CCDC85A: variants seen among roughly 807,000 people sequenced by gnomAD.
CCDC85A encodes coiled-coil domain containing 85A, also known as coiled-coil domain-containing protein 85A.
Under a neutral mutation model 50.2 loss-of-function variants are expected in CCDC85A, and 38 were observed. That is an observed-to-expected ratio of 0.76 (90% confidence interval 0.58 to 0.99). The LOEUF (loss-of-function observed/expected upper bound fraction) is 0.99, where lower values mean the gene tolerates loss of function less well. Ranked by LOEUF, CCDC85A falls within the 50% of genes least tolerant of loss-of-function variation. CCDC85A has a pLI of 0.00. For missense variants in CCDC85A, 820 were observed against 742.0 expected (o/e 1.11, Z -1.22); for synonymous variants, 366 against 301.4 (o/e 1.21, Z -2.22).
At chr2:56,295,188 C>T (rs1671891125) in intron 2 of CCDC85A, among the ~76,000 whole-genome samples, 1 of 152,054 alleles carries the variant, frequency 6.6e-6, no homozygotes, top group African/African-American at 2.4e-5. Context: ...TCCCCACTTC[C>T]CAATAAATCT....
chr2:56,266,578 GC>G (rs58439265), intron 2 of CCDC85A, among the ~76,000 whole-genome samples: 9,555 of 60,328 alleles, frequency 0.16, 1,241 homozygotes, highest in South Asian at 0.22. Flanking sequence ...ACAATAACGC[GC>G]CCCCCCCCCC....
chr2:56,301,330 G>T (rs555148821), intron 2 of CCDC85A, among the ~76,000 whole-genome samples: 2 of 152,234 alleles, frequency 1.3e-5, no homozygotes, highest in South Asian at 2.1e-4. Flanking sequence ...AGATGGATTT[G>T]TGGTAAGGCA....
In CCDC85A at chr2:56,184,900, G is replaced by A; in HGVS notation, c.276G>A (p.Lys92=). The change falls in exon 1 of 6, where the codon AAG becomes AAA. Residue 92 remains lysine (K), a splice_region_variant and synonymous_variant. Transcript: ENST00000407595. ...ACCTCGGCGAGATCCGCGGCCTCAA[G>A]GTGAGCGCGGGCCAGGTGGGGAGGC... ...QLHLGEIRGL[K]DINQKLQEDN... is the part of the protein sequence containing the mutation. 1.3e-6 allele frequency: 2 copies of A among 1,507,632 alleles called. No homozygotes were observed. The highest frequency in any genetic ancestry group is 1.8e-6 in the Non-Finnish European group (2 of 1,132,556). 93.4% of individuals were successfully genotyped at this position (1,507,632 alleles called of 1,614,324 possible).
At chr2:56,371,647 G>A (rs963609502) in intron 3 of CCDC85A, among the ~76,000 whole-genome samples, 16 of 152,150 alleles carry the variant, frequency 1.1e-4, no homozygotes, top group African/African-American at 3.9e-4. Flanking sequence ...GGATTATACA[G>A]TTTGGTGATG....
At chr2:56,287,578 A>C (rs1430487130) in intron 2 of CCDC85A, among the ~76,000 whole-genome samples, 1 of 152,176 alleles carries the variant, frequency 6.6e-6, no homozygotes, top group Non-Finnish European at 1.5e-5. Context: ...TCTGAAGTTG[A>C]AGTCACATTC....
At chr2:56,265,659 G>T (rs1452331011) in intron 2 of CCDC85A, among the ~76,000 whole-genome samples, 1 of 152,140 alleles carries the variant, frequency 6.6e-6, no homozygotes, top group Non-Finnish European at 1.5e-5. Context: ...TGTTGGTGAG[G>T]ATGTGGAGAA....
chr2:56,358,345 C>A (rs530002829), intron 3 of CCDC85A, among the ~76,000 whole-genome samples: 1 of 152,280 alleles, frequency 6.6e-6, no homozygotes, highest in Admixed American at 6.5e-5. Flanking sequence ...AATTTCAAGC[C>A]TCCAATAAAC....
At chr2:56,380,720 C>G (rs1676547309) in intron 5 of CCDC85A, among the ~76,000 whole-genome samples, 1 of 152,048 alleles carries the variant, frequency 6.6e-6, no homozygotes, top group Admixed American at 6.6e-5. Flanking sequence ...CTATTAATCC[C>G]TGACTAAATT....
At chr2:56,310,300 C>T (rs1252783878) in intron 2 of CCDC85A, among the ~76,000 whole-genome samples, 1 of 152,120 alleles carries the variant, frequency 6.6e-6, no homozygotes, top group Non-Finnish European at 1.5e-5. Context: ...TAATACAGGA[C>T]ACAGTTTTTG....
chr2:56,320,649 T>C (rs2104258199), intron 2 of CCDC85A, among the ~76,000 whole-genome samples: 1 of 152,188 alleles, frequency 6.6e-6, no homozygotes, highest in South Asian at 2.1e-4. Flanking sequence ...CAATAATTAA[T>C]AGCCTACCAA....
chr2:56,336,483 G>A (rs1042894588), intron 2 of CCDC85A, among the ~76,000 whole-genome samples: 5 of 152,132 alleles, frequency 3.3e-5, no homozygotes, highest in African/African-American at 1.2e-4. Flanking sequence ...AAATGCTGTA[G>A]TTTGTGTCAG....
chr2:56,359,890 G>C (rs976246455), intron 3 of CCDC85A, among the ~76,000 whole-genome samples: 3 of 152,194 alleles, frequency 2.0e-5, no homozygotes. Context: ...TGCAGCATCT[G>C]TTCATTGGGA....
chr2:56,295,272 T>C (rs1671895116), intron 2 of CCDC85A, among the ~76,000 whole-genome samples: 1 of 152,192 alleles, frequency 6.6e-6, no homozygotes, highest in African/African-American at 2.4e-5. Context: ...TACTTTTTGC[T>C]CACAGTTTTT....
chr2:56,375,819 T>A lies in CCDC85A; in HGVS notation c.1456T>A (p.Ser486Thr), dbSNP rs1024145757. Residue 486 changes from serine (S) to threonine (T), a missense_variant, in exon 5 of 6, where the codon TCT (serine) becomes ACT (threonine). Physicochemically the swap from Ser to Thr is moderately conservative, Grantham distance 58. Transcript: ENST00000407595. ...AAGTTGTTGATTTTCTACTAAGGGT[T>A]CTTTTAGGTTGTCATCAGGGGCTGA... ...IGRCLPTLPG[S>T]FRLSSGADGS... 1.9e-6 allele frequency: 3 copies of A among 1,613,342 alleles called. No homozygotes were observed. In the African/African-American group the frequency reaches 4.0e-5, roughly 22 times the overall value.
chr2:56,296,259 T>C (rs1306563088), intron 2 of CCDC85A, among the ~76,000 whole-genome samples: 2 of 152,154 alleles, frequency 1.3e-5, no homozygotes, highest in Non-Finnish European at 2.9e-5. Context: ...GTGGTAAAGG[T>C]GTATCCCAAA....
chr2:56,358,245 C>T (rs1256777336), intron 3 of CCDC85A, among the ~76,000 whole-genome samples: 49 of 152,224 alleles, frequency 3.2e-4, no homozygotes, highest in Non-Finnish European at 1.5e-5. Flanking sequence ...AGTTTCTAGT[C>T]CATCTGTTTT....
chr2:56,276,138 A>G (rs538858782), intron 2 of CCDC85A, among the ~76,000 whole-genome samples: 19 of 152,300 alleles, frequency 1.2e-4, no homozygotes, highest in Non-Finnish European at 2.6e-4. Flanking sequence ...TATTCCTATT[A>G]GGTAAATTTA....
At chr2:56,262,320 G>A (rs4672103) in intron 2 of CCDC85A, among the ~76,000 whole-genome samples, 29,126 of 152,068 alleles carry the variant, frequency 0.19, 3,189 homozygotes, top group Admixed American at 0.28. Flanking sequence ...TGCATCAGAT[G>A]TTCTGGGAAT....
rs1322082656 is a variant in CCDC85A, at chr2:56,342,924, A to G, written c.1286A>G (p.Gln429Arg). ...YVRQLEARVR[Q>R]LEEENRMLPQ... Reference sequence around the variant, plus strand: ...AGGCAGCTGGAGGCAAGAGTAAGACAGCTGGAGGAAGAAAATCGCATGCTG... The same window carrying G: ...AGGCAGCTGGAGGCAAGAGTAAGACGGCTGGAGGAAGAAAATCGCATGCTG... Residue 429 changes from glutamine (Q) to arginine (R), a missense_variant, in exon 3 of 6, where the codon CAG becomes CGG. Gln to Arg is a conservative substitution (Grantham distance 43). Coordinates refer to ENST00000407595, the MANE Select transcript of CCDC85A (RefSeq NM_001080433.2). 1.9e-6 allele frequency: 3 copies of G among 1,598,080 alleles called. No individual in the cohort carries two copies. Among genetic ancestry groups the G allele is most frequent in the East Asian group, 2.3e-5 (1 of 44,396 alleles).
Sources: allele counts gnomAD v4.1 joint callset (sites outside exome capture counted in the v4.1 genomes callset), GRCh38; gene constraint gnomAD v4.1.1; transcripts MANE v1.5; gene names NCBI Gene and HGNC (gene_info 2026-07-23, HGNC 2026-07-21).